The following UST variants were observed in gnomAD, a reference collection of about 807,000 sequenced individuals.
The protein encoded by UST is chondroitin sulfate 2-O-sulfotransferase.
UST carries 21 observed loss-of-function variants against 45.6 expected under a neutral mutation model. The observed-to-expected ratio is 0.46, with a 90% CI of 0.33 to 0.66. UST has a LOEUF of 0.66. UST is among the 30% of genes least tolerant of loss of function. The pLI is 0.02. For synonymous variants in UST, 215 were observed against 200.6 expected (o/e 1.07, Z -0.61); for missense variants, 463 against 512.4 (o/e 0.90, Z 0.93).
intron 2 of UST, among the ~76,000 whole-genome samples, chr6:148,925,399 TGAA>T (rs569364476): frequency 2.2e-4 from 33 of 152,148 alleles, no homozygotes; most frequent in Admixed American, 1.4e-3. Context: ...CGAATGCAGA[TGAA>T]GGACTTGCAA....
chr6:148,933,022 C>T (rs1166352048), intron 2 of UST, among the ~76,000 whole-genome samples: 1 of 152,176 alleles, frequency 6.6e-6, no homozygotes, highest in Non-Finnish European at 1.5e-5. Flanking sequence ...ATCATTTGCT[C>T]ATGTCACTCA....
At chr6:148,910,642 C>T (rs1779453936) in intron 2 of UST, among the ~76,000 whole-genome samples, 1 of 152,092 alleles carries the variant, frequency 6.6e-6, no homozygotes, top group South Asian at 2.1e-4. Flanking sequence ...TCAATCAGAG[C>T]AAGTTCAACT....
chr6:148,935,361 G>C (rs1452650396), intron 2 of UST, among the ~76,000 whole-genome samples: 2 of 152,296 alleles, frequency 1.3e-5, no homozygotes, highest in East Asian at 3.9e-4. Flanking sequence ...GAATCACTTG[G>C]GGGAGGGAGA....
intron 1 of UST, among the ~76,000 whole-genome samples, chr6:148,819,656 A>G (rs1279254134): frequency 6.6e-6 from 1 of 152,194 alleles, no homozygotes; most frequent in Non-Finnish European, 1.5e-5. Context: ...TTAAAAGTCA[A>G]TATGTTGTGG....
chr6:148,921,825 C>T (rs1359513995), intron 2 of UST, among the ~76,000 whole-genome samples: 1 of 152,156 alleles, frequency 6.6e-6, no homozygotes, highest in South Asian at 2.1e-4. Context: ...CCATCTCCCT[C>T]CAGTTGGCTG....
intron 7 of UST, among the ~76,000 whole-genome samples, chr6:149,037,310 T>C (rs1181784247): frequency 1.3e-5 from 2 of 152,302 alleles, no homozygotes; most frequent in East Asian, 3.9e-4. Flanking sequence ...ACCACTCCAT[T>C]TGAGTTTTTT....
Position 148,909,000 on chromosome 6 carries a change from G to T in UST, c.291+21971G>T, listed in dbSNP as rs142803821. Among the ~76,000 whole-genome samples, 902 of 152,232 alleles carry T rather than the reference G, an allele frequency of 5.9e-3. 9 individuals are homozygous for T. Among genetic ancestry groups the T allele is most frequent in the African/African-American group, 0.02 (846 of 41,546 alleles). On this transcript the variant is annotated intron_variant, in intron 2 of 7. Coordinates refer to ENST00000367463, the MANE Select transcript of UST (RefSeq NM_005715.3). ...ATTATTTACTGTTGATTTTGTGGTT[G>T]TATGACCATTGAATGCTTGAATTAT...
rs573068491 is a variant in UST, at chr6:148,797,691, TC to T, written c.247+50017del. Among the ~76,000 whole-genome samples, 34 of 152,250 alleles carry T rather than the reference TC, an allele frequency of 2.2e-4. No homozygotes were observed. The South Asian group carries it at 5.4e-3, about 24-fold the overall frequency. ...GTAGTTGGAATAAACGTGAAGGTCT[TC>T]CCAGAGGAGGTGATATTTGCATTGA... On this transcript the variant is annotated intron_variant, in intron 1 of 7. Coordinates refer to ENST00000367463, the MANE Select transcript of UST (RefSeq NM_005715.3).
chr6:148,998,198 C>T (rs1320703352), intron 5 of UST, among the ~76,000 whole-genome samples: 2 of 152,198 alleles, frequency 1.3e-5, no homozygotes, highest in African/African-American at 4.8e-5. Context: ...CCTTAAAGAA[C>T]ATTCTTGGTT....
At position 149,074,051 on chromosome 6, in the gene UST, G is replaced by A. The variant is rs1415111046; in HGVS notation, c.1156G>A (p.Glu386Lys). 3.7e-6 allele frequency: 6 copies of A among 1,614,108 alleles called. No individual in the cohort carries two copies. In the Admixed American group the frequency reaches 5.0e-5, roughly 13 times the overall value. The change falls in exon 8 of 8, where the codon GAG becomes AAG. Residue 386 changes from glutamate to lysine, a missense_variant. Physicochemically the swap from Glu to Lys is moderately conservative, Grantham distance 56 (BLOSUM62 1). Around this residue, in one of 2 missense-constraint regions of UST, gnomAD observed 287 missense variants for 374.2 expected, o/e 0.77. Transcript: ENST00000367463. ...CTTTATCCCAACTCCACTGGAAACC[G>A]AGGAGCCAATCGACGATGAAGAACA... is the stretch of plus-strand genomic sequence containing the variant. ...HFFIPTPLET[E>K]EPIDDEEQDD...
intron 7 of UST, among the ~76,000 whole-genome samples, chr6:149,057,882 T>C (rs377464419): frequency 1.3e-5 from 2 of 152,228 alleles, no homozygotes; most frequent in African/African-American, 2.4e-5. Context: ...TTAAAAGTTA[T>C]TTTATATTCT....
At chr6:149,060,097 T>A (rs2115041148) in intron 7 of UST, among the ~76,000 whole-genome samples, 1 of 152,306 alleles carries the variant, frequency 6.6e-6, no homozygotes, top group African/African-American at 2.4e-5. Flanking sequence ...AACCTAGCGG[T>A]TTCTGCATTT....
chr6:149,060,533 A>C (rs1776638548), intron 7 of UST, among the ~76,000 whole-genome samples: 1 of 152,142 alleles, frequency 6.6e-6, no homozygotes, highest in Non-Finnish European at 1.5e-5. Flanking sequence ...TCAGGAAATG[A>C]GTTTACTCTA....
chr6:148,941,301 T>A lies in UST; in HGVS notation c.314T>A (p.Val105Glu). 6.2e-7 allele frequency: 1 copy of A among 1,612,904 alleles called. No homozygotes were observed. Among genetic ancestry groups the A allele is most frequent in the Non-Finnish European group, 8.5e-7 (1 of 1,179,752 alleles). Residue 105 changes from valine (V) to glutamate (E), a missense_variant, in exon 3 of 8, where the codon GTG becomes GAG. By Grantham distance (121) the Val-to-Glu change is moderately radical (BLOSUM62 -2). Around this residue, in one of 2 missense-constraint regions of UST, gnomAD observed 176 missense variants for 138.3 expected, o/e 1.27. Coordinates refer to ENST00000367463, the MANE Select transcript of UST (RefSeq NM_005715.3). ...PSKVLPFPSQVVYNRVGKCGS... is the reference protein window; with the variant it reads ...PSKVLPFPSQEVYNRVGKCGS... Reference sequence around the variant, plus strand: ...CAGGTACTACCTTTCCCAAGCCAGGTGGTGTACAACAGGGTAGGCAAGTGT... The same window carrying A: ...CAGGTACTACCTTTCCCAAGCCAGGAGGTGTACAACAGGGTAGGCAAGTGT...
chr6:148,909,658 C>T (rs78305607), intron 2 of UST, among the ~76,000 whole-genome samples: 2,140 of 152,260 alleles, frequency 0.014, 44 homozygotes, highest in African/African-American at 0.048. Context: ...GTCCTTCTAG[C>T]AGCAAGGATG....
chr6:149,040,590 G>A (rs1028087191), intron 7 of UST, among the ~76,000 whole-genome samples: 2 of 152,204 alleles, frequency 1.3e-5, no homozygotes, highest in Admixed American at 6.5e-5. Flanking sequence ...AGGAGGCGGA[G>A]GTTGCAGTGA....
chr6:148,754,198 G>A (rs1469554426), intron 1 of UST, among the ~76,000 whole-genome samples: 1 of 151,986 alleles, frequency 6.6e-6, no homozygotes, highest in African/African-American at 2.4e-5. Context: ...GGGTTTCACT[G>A]TGTTAGCCAG....
rs1018084425 is a variant in UST at position 148,934,616 on chromosome 6, C to G, written c.292-6663C>G. On this transcript the variant is annotated intron_variant, in intron 2 of 7. Coordinates refer to ENST00000367463, the MANE Select transcript of UST (RefSeq NM_005715.3). The surrounding 1 kb of genome is among the most constrained non-coding windows in gnomAD (Gnocchi z 4.1). ...ACAACAGTGCCCTTCGCCCCAACTCCTCTCCAGGATCACGCAGGCAACCTT... is the reference window on the plus strand; with the variant it reads ...ACAACAGTGCCCTTCGCCCCAACTCGTCTCCAGGATCACGCAGGCAACCTT... Among the ~76,000 whole-genome samples the G allele has an allele frequency of 7.2e-5, 11 of 152,178 alleles. No homozygotes were observed. Among genetic ancestry groups the G allele is most frequent in the Non-Finnish European group, 1.6e-4 (11 of 68,030 alleles).
chr6:148,952,567 A>G (rs1780386139), intron 3 of UST, among the ~76,000 whole-genome samples: 1 of 152,198 alleles, frequency 6.6e-6, no homozygotes, highest in African/African-American at 2.4e-5. Context: ...TCATTGAACA[A>G]ATATTTATCG....
Sources: gnomAD v4.1 joint callset for allele counts (sites outside exome capture counted in the v4.1 genomes callset) on GRCh38, gnomAD v4.1.1 for gene constraint, gnomAD v4.1.1 regional missense constraint, Gnocchi (gnomAD v3.1) non-coding constraint, MANE v1.5 for transcripts, NCBI Gene and HGNC (gene_info 2026-07-23, HGNC 2026-07-21) for gene names.